Variants in UPP2 observed in about 807,000 individuals in gnomAD.
UPP2 encodes UPase 2.
A neutral mutation model predicts 26.7 loss-of-function variants in UPP2; 23 were observed. That is an observed-to-expected ratio of 0.86 (90% CI 0.62 to 1.22). UPP2 has a LOEUF of 1.22. UPP2 is among the 50% of genes most tolerant of loss of function. The pLI is 0.00. For synonymous variants in UPP2, 127 were observed against 141.3 expected, an observed-to-expected ratio of 0.90 and a Z score of 0.72; for missense variants, 387 against 396.7, an observed-to-expected ratio of 0.98 and a Z score of 0.21.
intron 1 of UPP2, among the ~76,000 whole-genome samples, chr2:158,104,262 G>A (rs938326996): frequency 6.6e-6 from 1 of 152,136 alleles, no homozygotes; most frequent in Non-Finnish European, 1.5e-5. Flanking sequence ...TGATCAAGGA[G>A]AGAAGATGCT....
intron 2 of UPP2, among the ~76,000 whole-genome samples, chr2:157,997,075 T>C (rs1683334098): frequency 6.6e-6 from 1 of 152,198 alleles, no homozygotes; most frequent in African/African-American, 2.4e-5. Flanking sequence ...TCTTCCCTAT[T>C]GTTTTCTCAA....
chr2:158,001,957 C>CAAA (rs200818827), intron 2 of UPP2, among the ~76,000 whole-genome samples: 4,458 of 64,438 alleles, frequency 0.069, 381 homozygotes, highest in Admixed American at 0.14. Flanking sequence ...GAATGAGCAC[C>CAAA]AAAAAAAAAA....
intron 3 of UPP2, among the ~76,000 whole-genome samples, chr2:158,041,829 C>G (rs6759860): frequency 0.23 from 35,324 of 152,094 alleles, 4,209 homozygotes; most frequent in East Asian, 0.34. Context: ...CCACCTCCCC[C>G]ACACTGAATA....
At chr2:158,055,937 A>G (rs138276273) in intron 3 of UPP2, among the ~76,000 whole-genome samples, 1,569 of 152,288 alleles carry the variant, frequency 0.01, 23 homozygotes, top group Middle Eastern at 0.041. Context: ...TCCCTGGCAC[A>G]TTTCCTGGCA....
chr2:158,122,356 AGAT>A (rs1329992921), intron 5 of UPP2, among the ~76,000 whole-genome samples: 10 of 152,104 alleles, frequency 6.6e-5, no homozygotes, highest in Non-Finnish European at 1.3e-4. Context: ...CTCAAACTTA[AGAT>A]ATATTGAATT....
At chr2:158,090,434 G>A (rs62177924) in intron 3 of UPP2, among the ~76,000 whole-genome samples, 78 of 152,200 alleles carry the variant, frequency 5.1e-4, no homozygotes, top group Admixed American at 1.0e-3. Context: ...CCGGGAGGCG[G>A]AGCTTGCAGT....
At chr2:158,109,724 G>A (rs1683271781) in intron 2 of UPP2, among the ~76,000 whole-genome samples, 1 of 152,218 alleles carries the variant, frequency 6.6e-6, no homozygotes, top group Admixed American at 6.5e-5. Context: ...CCAGAAAGAA[G>A]AGCAAACTGT....
chr2:158,070,132 C>G lies in UPP2; in HGVS notation c.148-31908C>G, dbSNP rs181288450. 7.2e-4 allele frequency among the ~76,000 whole-genome samples: 110 copies of G among 152,264 alleles called. 1 individual carries two copies. Among genetic ancestry groups the G allele is most frequent in the African/African-American group, 2.2e-3 (91 of 41,526 alleles). The stretch of plus-strand genomic sequence containing the variant: ...CTATTTTTATATTATTTAGCACTCT[C>G]TTCACTTCTTACTAGCCAATCTTTT... On this transcript the variant is annotated intron_variant, in intron 3 of 9. Coordinates refer to the UPP2 transcript ENST00000605860.
chr2:158,052,934 C>A (rs1213446844), intron 3 of UPP2, among the ~76,000 whole-genome samples: 1 of 152,194 alleles, frequency 6.6e-6, no homozygotes, highest in Non-Finnish European at 1.5e-5. Flanking sequence ...TTTACAAAAA[C>A]AGGCATTGGG....
chr2:158,086,571 G>T (rs893921758), intron 3 of UPP2, among the ~76,000 whole-genome samples: 12 of 151,988 alleles, frequency 7.9e-5, no homozygotes, highest in Non-Finnish European at 4.4e-5. Context: ...GTTCCTTGAG[G>T]TGTGACCTTA....
chr2:158,124,553 C>T (rs2105229985), intron 6 of UPP2, among the ~76,000 whole-genome samples: 1 of 152,284 alleles, frequency 6.6e-6, no homozygotes, highest in Admixed American at 6.5e-5. Flanking sequence ...AACAGAATCA[C>T]AGTGGCGGCT....
chr2:158,130,239 G>A (rs889478130), intron 6 of UPP2, among the ~76,000 whole-genome samples: 2 of 151,980 alleles, frequency 1.3e-5, no homozygotes, highest in African/African-American at 4.8e-5. Flanking sequence ...TCAGGAGATC[G>A]AGACCATCCT....
rs377159824 is a variant in UPP2, at chr2:158,106,171, G to T, written c.135G>T (p.Leu45Phe). The T allele has an allele frequency of 1.2e-4, 193 of 1,610,672 alleles. No individual in the cohort carries two copies. Among genetic ancestry groups the T allele is most frequent in the Admixed American group, 1.2e-4 (7 of 59,536 alleles). Reference protein sequence around the residue: ...MDEDILYHLDLGTKTHNLPAM... With the variant: ...MDEDILYHLDFGTKTHNLPAM... ...AAGACATTCTCTATCACTTGGATTT[G>T]GGAACAAAAACACACAACCTACCAG... The change falls in exon 2 of 7, where the codon TTG (leucine) becomes TTT (phenylalanine). Residue 45 changes from leucine (L) to phenylalanine (F), a missense_variant. Coordinates refer to ENST00000005756, the MANE Select transcript of UPP2 (RefSeq NM_173355.4).
intron 2 of UPP2, among the ~76,000 whole-genome samples, chr2:157,999,726 G>A (rs1683376422): frequency 6.6e-6 from 1 of 152,064 alleles, no homozygotes; most frequent in Non-Finnish European, 1.5e-5. Flanking sequence ...ACTCTATGTA[G>A]GCCTGCATGT....
At chr2:158,023,268 C>T (rs1683784619) in intron 3 of UPP2, among the ~76,000 whole-genome samples, 1 of 148,372 alleles carries the variant, frequency 6.7e-6, no homozygotes, top group South Asian at 2.2e-4. Flanking sequence ...TCCAGTGCTG[C>T]TTTACCCCCA....
At chr2:158,119,455 TG>T (rs1482130811) in intron 4 of UPP2, among the ~76,000 whole-genome samples, 2 of 152,012 alleles carry the variant, frequency 1.3e-5, no homozygotes, top group African/African-American at 2.4e-5. Flanking sequence ...GTATTGCGTT[TG>T]GAGATGAAAG....
intron 6 of UPP2, 116 bp from the exon 7 acceptor site, chr2:158,134,632 A>G: frequency 7.7e-7 from 1 of 1,299,784 alleles, no homozygotes; most frequent in Non-Finnish European, 1.0e-6. Context: ...CATTACAACA[A>G]CAACAACAAA....
intron 3 of UPP2, among the ~76,000 whole-genome samples, chr2:158,083,883 A>ATC (rs1558925311): frequency 6.7e-6 from 1 of 148,768 alleles, no homozygotes; most frequent in East Asian, 1.9e-4. Context: ...ATATATATAT[A>ATC]TCTCACAAGT....
intron 3 of UPP2, among the ~76,000 whole-genome samples, chr2:158,088,025 A>G (rs796842523): frequency 4.6e-5 from 7 of 152,324 alleles, no homozygotes; most frequent in African/African-American, 1.4e-4. Flanking sequence ...TTTGGAGTCT[A>G]GATCGCTTAC....
Sources: allele counts gnomAD v4.1 joint callset (sites outside exome capture counted in the v4.1 genomes callset), GRCh38; gene constraint gnomAD v4.1.1; transcripts MANE v1.5; gene names NCBI Gene and HGNC (gene_info 2026-07-23, HGNC 2026-07-21).